FAM216A: variants seen among roughly 807,000 people sequenced by gnomAD.
FAM216A encodes protein FAM216A.
A neutral mutation model predicts 37.6 loss-of-function variants in FAM216A; 26 were observed. The ratio of observed to expected loss-of-function variants is 0.69; its 90% CI spans 0.51 to 0.96. FAM216A has a LOEUF of 0.96. FAM216A is among the 40% of genes least tolerant of loss of function. The pLI is 0.00. For missense variants in FAM216A, 326 were observed against 339.3 expected (o/e 0.96, Z 0.31); for synonymous variants, 110 against 121.7 (o/e 0.90, Z 0.64).
At chr12:110,481,975 G>C (rs1208593097) in intron 2 of FAM216A, among the ~76,000 whole-genome samples, 1 of 152,036 alleles carries the variant, frequency 6.6e-6, no homozygotes, top group African/African-American at 2.4e-5. Context: ...TATCCAACTT[G>C]CCAAAATCTT....
At chr12:110,471,681 G>A (rs1443585282) in intron 1 of FAM216A, among the ~76,000 whole-genome samples, 6 of 152,084 alleles carry the variant, frequency 3.9e-5, no homozygotes, top group South Asian at 2.1e-4. Context: ...AGGAGCAAGC[G>A]TAGAATTAAG....
chr12:110,472,619 A>T (rs1280162502), intron 1 of FAM216A, among the ~76,000 whole-genome samples: 1 of 152,106 alleles, frequency 6.6e-6, no homozygotes, highest in African/African-American at 2.4e-5. Flanking sequence ...ATAGGAAAAA[A>T]TTTGTAAGAC....
At position 110,469,161 on chromosome 12, in the gene FAM216A, G is replaced by A. The variant is rs1284890663; in HGVS notation, c.143+143G>A. The A allele has an allele frequency of 4.9e-6, 5 of 1,019,144 alleles. No homozygotes were observed. The African/African-American group carries it at 8.5e-5, about 17-fold the overall frequency. 63.1% of individuals were successfully genotyped at this position (1,019,144 alleles called of 1,614,324 possible). ...CCCGGTGCCCTCAAGTGAGAGGCGG[G>A]GAGCAGTTTTGTTGTGGACAGAGGG... On this transcript the variant is annotated intron_variant, in intron 1 of 6. Transcript: ENST00000377673.
intron 2 of FAM216A, among the ~76,000 whole-genome samples, chr12:110,479,039 A>G (rs996561288): frequency 5.3e-5 from 8 of 151,966 alleles, no homozygotes; most frequent in Admixed American, 1.3e-4. Context: ...AATACAAAAA[A>G]TTAGCCGGGC....
chr12:110,479,735 G>A (rs2062735250), intron 2 of FAM216A, among the ~76,000 whole-genome samples: 1 of 151,812 alleles, frequency 6.6e-6, no homozygotes, highest in Non-Finnish European at 1.5e-5. Flanking sequence ...CTACTTGGGA[G>A]ACTGAGGCAG....
intron 2 of FAM216A, among the ~76,000 whole-genome samples, chr12:110,479,871 C>A (rs188866006): frequency 0.01 from 1,580 of 150,592 alleles, 31 homozygotes; most frequent in Middle Eastern, 0.041. Context: ...AACAAAACAA[C>A]AAAAAAAAGC....
Position 110,468,982 on chromosome 12 carries a change from C to G in FAM216A, c.107C>G (p.Pro36Arg), listed in dbSNP as rs1299390223. 9 of 1,508,822 alleles carry G rather than the reference C, an allele frequency of 6.0e-6. No individual in the cohort carries two copies. The highest frequency in any genetic ancestry group is 6.2e-6 in the Non-Finnish European group (7 of 1,129,894). The allele number at this position is 1,508,822 out of a possible 1,614,324, so 93.5% of individuals were successfully genotyped here. A position where few individuals can be genotyped will look rare whatever the true frequency, so the allele number is the denominator to read the frequency against. The change falls in exon 1 of 7, where the codon CCG (proline) becomes CGG (arginine). Residue 36 changes from proline (P) to arginine (R), a missense_variant. Pro to Arg is a moderately radical substitution (Grantham distance 103). Coordinates refer to ENST00000377673, the MANE Select transcript of FAM216A (RefSeq NM_013300.3). ...ACGGAGCGTAGCTCTTCTGCAGAGCCGCCCGCTGTGGCCGGGACCGAGGGT... is the reference window on the plus strand; with the variant it reads ...ACGGAGCGTAGCTCTTCTGCAGAGCGGCCCGCTGTGGCCGGGACCGAGGGT... Reference protein sequence around the residue: ...DWTERSSSAEPPAVAGTEGGG... With the variant: ...DWTERSSSAERPAVAGTEGGG...
At chr12:110,469,082 G>T (rs1051491448) in intron 1 of FAM216A, 64 bp downstream of exon 1, 7 of 1,372,090 alleles carry the variant, frequency 5.1e-6, no homozygotes, top group Non-Finnish European at 6.6e-6. Flanking sequence ...AGGCCCCCGG[G>T]TCGTGAGCCC....
rs545732250 is a variant in FAM216A, at chr12:110,486,678, T to C, written c.581T>C (p.Ile194Thr). Residue 194 changes from isoleucine to threonine, a missense_variant, in exon 5 of 7, where the codon ATA becomes ACA. Coordinates refer to ENST00000377673, the MANE Select transcript of FAM216A (RefSeq NM_013300.3). ...IAAASAPEML[I>T]QHSLWRPVRN... ...GCTGCATCTGCACCTGAAATGCTCATACAGCATTCCCTTTGGCGGCCAGTG... is the reference window on the plus strand; with the variant it reads ...GCTGCATCTGCACCTGAAATGCTCACACAGCATTCCCTTTGGCGGCCAGTG... The C allele has an allele frequency of 2.3e-5, 37 of 1,614,124 alleles. No individual in the cohort carries two copies. The East Asian group carries it at 8.0e-4, about 35-fold the overall frequency.
intron 6 of FAM216A, among the ~76,000 whole-genome samples, chr12:110,489,024 A>G (rs1243521057): frequency 6.6e-6 from 1 of 152,180 alleles, no homozygotes; most frequent in African/African-American, 2.4e-5. Context: ...TACAGCTGCA[A>G]CTCAGACAAA....
chr12:110,470,292 G>C (rs2062676915), intron 1 of FAM216A, among the ~76,000 whole-genome samples: 1 of 151,756 alleles, frequency 6.6e-6, no homozygotes, highest in African/African-American at 2.4e-5. Context: ...TAGAGACGGG[G>C]CTTCACCGTG....
chr12:110,477,325 TC>T (rs1449553049), intron 2 of FAM216A, among the ~76,000 whole-genome samples: 1 of 152,216 alleles, frequency 6.6e-6, no homozygotes, highest in Admixed American at 6.5e-5. Context: ...TCTCAAACTT[TC>T]ATCCATTAAT....
intron 6 of FAM216A, among the ~76,000 whole-genome samples, chr12:110,488,470 A>AT (rs1423628053): frequency 6.6e-6 from 1 of 152,062 alleles, no homozygotes. Context: ...AAAGAGTAAG[A>AT]TTCAAGGTAT....
At chr12:110,489,841 G>A (rs2062801847) in intron 6 of FAM216A, among the ~76,000 whole-genome samples, 178 bp from the exon 7 acceptor site, 1 of 152,168 alleles carries the variant, frequency 6.6e-6, no homozygotes. Flanking sequence ...CTAGAATACA[G>A]TATTGTGTAT....
chr12:110,469,238 G>T (rs1256048668), intron 1 of FAM216A: 7 of 494,142 alleles, frequency 1.4e-5, no homozygotes, highest in Non-Finnish European at 1.3e-5. Context: ...GGGAAGCTTC[G>T]GAGGAGCGTT....
intron 2 of FAM216A, among the ~76,000 whole-genome samples, chr12:110,484,447 A>C (rs796285115): frequency 0.045 from 6,679 of 146,924 alleles, 631 homozygotes; most frequent in African/African-American, 0.16. Context: ...AAAAAAAAAA[A>C]AAAAAAAACT....
intron 5 of FAM216A, 184 bp from the exon 6 acceptor site, chr12:110,487,677 G>GT: frequency 3.4e-6 from 2 of 589,076 alleles, no homozygotes; most frequent in Non-Finnish European, 6.1e-6. Context: ...AGCAGCATGA[G>GT]TATTGAAATT....
intron 2 of FAM216A, among the ~76,000 whole-genome samples, chr12:110,477,386 A>G (rs747329313): frequency 6.6e-6 from 1 of 152,002 alleles, no homozygotes; most frequent in Non-Finnish European, 1.5e-5. Flanking sequence ...GGAGTCTCGC[A>G]CTGTCTCCTA....
chr12:110,484,756 C>CT (rs778085355), intron 2 of FAM216A, among the ~76,000 whole-genome samples: 217 of 143,678 alleles, frequency 1.5e-3, no homozygotes, highest in African/African-American at 2.1e-3. Context: ...ATATCTAGAT[C>CT]TTTTTTTTTT....
Sources: gnomAD v4.1 joint callset for allele counts (sites outside exome capture counted in the v4.1 genomes callset) on GRCh38, gnomAD v4.1.1 for gene constraint, MANE v1.5 for transcripts, NCBI Gene and HGNC (gene_info 2026-07-23, HGNC 2026-07-21) for gene names.